The following CGRRF1 variants were observed in gnomAD, a reference collection of about 807,000 sequenced individuals.
CGRRF1 encodes cell growth regulator with ring finger domain 1.
Under a neutral mutation model 37.2 loss-of-function variants are expected in CGRRF1, and 32 were observed. The observed-to-expected ratio is 0.86, with a 90% confidence interval of 0.65 to 1.16. The LOEUF is 1.16. CGRRF1 is among the 50% of genes most tolerant of loss of function. The probability of loss-of-function intolerance (pLI) is 0.00; values close to 1 mark genes in which losing one functional copy is unlikely to be tolerated. For missense variants in CGRRF1, 391 were observed against 382.6 expected, an observed-to-expected ratio of 1.02 and a Z score of -0.18; for synonymous variants, 141 against 140.3, an observed-to-expected ratio of 1.00 and a Z score of -0.04.
intron 4 of CGRRF1, among the ~76,000 whole-genome samples, chr14:54,531,495 A>G (rs2032513682): frequency 6.6e-6 from 1 of 152,144 alleles, no homozygotes; most frequent in African/African-American, 2.4e-5. Flanking sequence ...CTGTATAGAA[A>G]CAGTCTGTTG....
chr14:54,533,305 TG>T (rs1355456714), intron 4 of CGRRF1, among the ~76,000 whole-genome samples: 1 of 152,100 alleles, frequency 6.6e-6, no homozygotes, highest in Non-Finnish European at 1.5e-5. Context: ...GCTGTAGTTG[TG>T]GGAGGCTTGT....
At chr14:54,510,922 A>G (rs2032119335) in intron 1 of CGRRF1, among the ~76,000 whole-genome samples, 1 of 152,256 alleles carries the variant, frequency 6.6e-6, no homozygotes, top group Non-Finnish European at 1.5e-5. Context: ...AGCAGTTCTA[A>G]GTGGATAACA....
At chr14:54,518,698 G>T (rs948209146) in intron 1 of CGRRF1, among the ~76,000 whole-genome samples, 2 of 152,090 alleles carry the variant, frequency 1.3e-5, no homozygotes, top group African/African-American at 4.8e-5. Flanking sequence ...CTAATGATCA[G>T]TGATGTTGAG....
In CGRRF1 at chr14:54,530,908, A is replaced by C; in HGVS notation, c.428A>C (p.Lys143Thr). 6 of 1,587,726 alleles carry C rather than the reference A, an allele frequency of 3.8e-6. No individual in the cohort carries two copies. Among genetic ancestry groups the C allele is most frequent in the Non-Finnish European group, 5.2e-6 (6 of 1,158,454 alleles). ...ACCTTTACATTTTCAAAAAGTATTA[A>C]AAAGGATAGCAAAGAAGAAATATAT... ...EYLYQEQYFI[K>T]KDSKEEIYCQ... The change falls in exon 4 of 6, where the codon AAA becomes ACA. Residue 143 changes from lysine to threonine, a missense_variant. Transcript: ENST00000216420.
At chr14:54,527,478 AAAG>A (rs1318502055) in intron 2 of CGRRF1, among the ~76,000 whole-genome samples, 1 of 152,210 alleles carries the variant, frequency 6.6e-6, no homozygotes, top group African/African-American at 2.4e-5. Flanking sequence ...AACATTAAAA[AAAG>A]AGATTATGGA....
chr14:54,518,808 T>C (rs1250317824), intron 1 of CGRRF1, among the ~76,000 whole-genome samples: 1 of 152,184 alleles, frequency 6.6e-6, no homozygotes, highest in Non-Finnish European at 1.5e-5. Flanking sequence ...TTCTTGTAAA[T>C]TTGTTTAAGT....
chr14:54,520,688 A>G (rs2032301920), intron 1 of CGRRF1, among the ~76,000 whole-genome samples: 3 of 152,242 alleles, frequency 2.0e-5, no homozygotes, highest in African/African-American at 7.2e-5. Flanking sequence ...CTTCTTTTGC[A>G]TAGCACGATG....
intron 1 of CGRRF1, among the ~76,000 whole-genome samples, chr14:54,511,320 T>A (rs76354686): frequency 0.023 from 3,472 of 152,302 alleles, 95 homozygotes; most frequent in East Asian, 0.096. Context: ...AATTCCTTAT[T>A]TGTGGGGGTA....
intron 4 of CGRRF1, chr14:54,536,382 T>C (rs907465171): frequency 1.3e-5 from 2 of 152,212 alleles, no homozygotes; most frequent in Non-Finnish European, 2.9e-5. Flanking sequence ...CAGTAACAAA[T>C]AATCTTATGC....
At chr14:54,517,664 C>T (rs1392820318) in intron 1 of CGRRF1, among the ~76,000 whole-genome samples, 1 of 151,862 alleles carries the variant, frequency 6.6e-6, no homozygotes, top group African/African-American at 2.4e-5. Flanking sequence ...GCAGGATGTG[C>T]AGGTTTGTTA....
chr14:54,523,730 T>A (rs2032361178), intron 2 of CGRRF1, among the ~76,000 whole-genome samples: 1 of 152,102 alleles, frequency 6.6e-6, no homozygotes, highest in South Asian at 2.1e-4. Context: ...AAATGAGGAG[T>A]ACAGAAAGAA....
intron 2 of CGRRF1, among the ~76,000 whole-genome samples, chr14:54,529,107 A>G (rs1331792529): frequency 1.3e-5 from 2 of 152,208 alleles, no homozygotes; most frequent in African/African-American, 4.8e-5. Context: ...ATCAGATGCC[A>G]AGGCTGTTGA....
At chr14:54,530,853 T>C (rs369449295) in intron 3 of CGRRF1, 50 bp from the exon 4 acceptor site, 41 of 1,401,996 alleles carry the variant, frequency 2.9e-5, no homozygotes, top group Non-Finnish European at 4.1e-5. Flanking sequence ...TTTTGGTGTA[T>C]TTTTGTTCTT....
At chr14:54,520,238 A>G (rs970166721) in intron 1 of CGRRF1, among the ~76,000 whole-genome samples, 13 of 152,024 alleles carry the variant, frequency 8.6e-5, no homozygotes, top group African/African-American at 2.9e-4. Context: ...CCTCCCGAGT[A>G]GCTGGGACTG....
At position 54,538,390 on chromosome 14, in the gene CGRRF1, C is replaced by A. The variant is rs773860639; in HGVS notation, c.*7C>A. ...CAAACCGAAGACTCTTTGAAGACAT[C>A]GTAACACTGAAAAGTACACTTTCTA... On this transcript the variant is annotated 3_prime_UTR_variant, in exon 6 of 6. Coordinates refer to ENST00000216420, the MANE Select transcript of CGRRF1 (RefSeq NM_006568.3). 1.3e-6 allele frequency: 2 copies of A among 1,580,156 alleles called. No individual in the cohort carries two copies. The highest frequency in any genetic ancestry group is 1.7e-6 in the Non-Finnish European group (2 of 1,157,802).
At chr14:54,515,641 T>C (rs2032202825) in intron 1 of CGRRF1, among the ~76,000 whole-genome samples, 1 of 152,212 alleles carries the variant, frequency 6.6e-6, no homozygotes. Context: ...GCATGATGAA[T>C]TGACCCTTAT....
chr14:54,524,814 T>G (rs1023798759), intron 2 of CGRRF1, among the ~76,000 whole-genome samples: 50 of 152,298 alleles, frequency 3.3e-4, no homozygotes, highest in African/African-American at 1.2e-3. Context: ...TAGATAACAG[T>G]TCATTCTGAT....
intron 4 of CGRRF1, among the ~76,000 whole-genome samples, chr14:54,533,758 T>C (rs190650344): frequency 6.6e-6 from 1 of 152,240 alleles, no homozygotes; most frequent in Admixed American, 6.5e-5. Flanking sequence ...TACAAAATTT[T>C]GACTTTAAAA....
At chr14:54,537,231 T>C (rs2032614433) in intron 4 of CGRRF1, 1 of 152,296 alleles carries the variant, frequency 6.6e-6, no homozygotes, top group Admixed American at 6.5e-5. Flanking sequence ...TGTTTTATTA[T>C]CTGATGGGGC....
Sources: allele counts gnomAD v4.1 joint callset (sites outside exome capture counted in the v4.1 genomes callset), GRCh38; gene constraint gnomAD v4.1.1; transcripts MANE v1.5; gene names NCBI Gene and HGNC (gene_info 2026-07-23, HGNC 2026-07-21).